The following PTP4A2 variants were observed in gnomAD, a reference collection of about 807,000 sequenced individuals.
PTP4A2 encodes the protein protein tyrosine phosphatase type IVA 2.
In PTP4A2, 2 loss-of-function variants were observed where a neutral mutation model predicts 22.9. The observed-to-expected ratio is 0.09, with a 90% CI of 0.04 to 0.27. The LOEUF is 0.27. Among genes scored for constraint, PTP4A2 ranks in the 10% least tolerant of loss-of-function variants. The probability of loss-of-function intolerance (pLI) is 1.00; values close to 1 mark genes in which losing one functional copy is unlikely to be tolerated. For synonymous variants in PTP4A2, 68 were observed against 69.1 expected (o/e 0.98, Z 0.08); for missense variants, 103 against 205.1 (o/e 0.50, Z 3.04).
In PTP4A2 at chr1:31,906,735, T is replaced by TGCAC. The variant is rs1283858869; in HGVS notation, c.*2113_*2116dup. 1.0e-4 allele frequency: 14 copies of TGCAC among 136,192 alleles called. No homozygotes were observed. Among genetic ancestry groups the TGCAC allele is most frequent in the African/African-American group, 3.7e-4 (13 of 35,202 alleles). 8.4% of individuals were successfully genotyped at this position (136,192 alleles called of 1,614,324 possible). A position where few individuals can be genotyped will look rare whatever the true frequency, so the allele number is the denominator to read the frequency against. On this transcript the variant is annotated 3_prime_UTR_variant, in exon 6 of 6. Transcript: ENST00000647444. Reference sequence around the variant, plus strand: ...CACTGATACTGATGGACACTGCGCGTGCACACACACACACACACATACACA... The same window carrying TGCAC: ...CACTGATACTGATGGACACTGCGCGTGCACGCACACACACACACACACATACACA...
intron 1 of PTP4A2, among the ~76,000 whole-genome samples, chr1:31,931,992 G>A (rs1423797893): frequency 6.6e-6 from 1 of 152,118 alleles, no homozygotes; most frequent in Non-Finnish European, 1.5e-5. Context: ...AAATACTGTG[G>A]TGATACAACC....
chr1:31,932,461 G>A (rs527479611), intron 1 of PTP4A2, among the ~76,000 whole-genome samples: 1 of 152,174 alleles, frequency 6.6e-6, no homozygotes, highest in Non-Finnish European at 1.5e-5. Flanking sequence ...ATTTAGTTTA[G>A]GCCACTTAAA....
intron 2 of PTP4A2, among the ~76,000 whole-genome samples, chr1:31,918,456 G>C (rs914372017): frequency 2.0e-5 from 3 of 152,198 alleles, no homozygotes; most frequent in African/African-American, 7.2e-5. Flanking sequence ...TAGAATATCT[G>C]AAGTACATAC....
chr1:31,936,909 G>C (rs570465143), intron 1 of PTP4A2, among the ~76,000 whole-genome samples: 1 of 152,104 alleles, frequency 6.6e-6, no homozygotes, highest in Non-Finnish European at 1.5e-5. Context: ...TGGCGACTCC[G>C]GACAGACAAA....
chr1:31,915,913 T>G lies in PTP4A2; in HGVS notation c.171A>C (p.Lys57Asn). The G allele has an allele frequency of 6.2e-7, 1 of 1,604,532 alleles. No individual in the cohort carries two copies. Among genetic ancestry groups the G allele is most frequent in the Non-Finnish European group, 8.5e-7 (1 of 1,175,072 alleles). ...CACTCACTAGAACGTGGATTCCTTC[T>G]TTTTCAACTGGAGCTTTATCATATG... ...DATYDKAPVE[K>N]EGIHVLDWPF... Residue 57 changes from lysine to asparagine, a missense_variant, in exon 3 of 6, where the codon AAA becomes AAC. Around this residue, in one of 3 missense-constraint regions of PTP4A2, gnomAD observed 66 missense variants for 113.0 expected, o/e 0.58. Coordinates refer to ENST00000647444, the MANE Select transcript of PTP4A2 (RefSeq NM_080391.4).
chr1:31,918,739 C>A (rs900426799), intron 2 of PTP4A2, among the ~76,000 whole-genome samples: 1 of 152,020 alleles, frequency 6.6e-6, no homozygotes, highest in African/African-American at 2.4e-5. Flanking sequence ...CCAAAAAAAC[C>A]TGTCAATAAA....
rs574010856 is a variant in PTP4A2 at position 31,938,332 on chromosome 1, A to C, written c.-939T>G. ...ACAGACGACGGTTACAGCCCGGCCG[A>C]TCGCGCCGCCACCACCACCGCTGCG... On this transcript the variant is annotated 5_prime_UTR_variant, in exon 1 of 6. Transcript: ENST00000647444. The surrounding 1 kb of genome is among the most constrained non-coding windows in gnomAD (Gnocchi z 4.4). 1 of 148,594 alleles carries C rather than the reference A, an allele frequency of 6.7e-6. No homozygotes were observed. The highest frequency in any genetic ancestry group is 1.8e-4 in the South Asian group (1 of 5,540). The allele number at this position is 148,594 out of a possible 1,614,324, so 9.2% of individuals were successfully genotyped here.
intron 1 of PTP4A2, chr1:31,921,894 C>T (rs994338189): frequency 2.0e-5 from 3 of 152,028 alleles, no homozygotes; most frequent in Non-Finnish European, 2.9e-5. Context: ...TAACCACTGA[C>T]ACAAACATAA....
intron 1 of PTP4A2, among the ~76,000 whole-genome samples, chr1:31,922,233 C>T (rs1304105127): frequency 6.6e-6 from 1 of 152,242 alleles, no homozygotes; most frequent in Non-Finnish European, 1.5e-5. Context: ...GCCTGTATCT[C>T]AGCACTTTGG....
At chr1:31,922,586 G>GTTTCTTTC (rs200368265) in intron 1 of PTP4A2, among the ~76,000 whole-genome samples, 2,183 of 146,070 alleles carry the variant, frequency 0.015, 34 homozygotes, top group Admixed American at 0.047. Flanking sequence ...ACCCAGGTTT[G>GTTTCTTTC]TTTCTTTCTT....
chr1:31,927,356 G>A (rs1569635244), intron 1 of PTP4A2, among the ~76,000 whole-genome samples: 2 of 152,170 alleles, frequency 1.3e-5, no homozygotes, highest in Admixed American at 6.5e-5. Context: ...CCACTTGAGG[G>A]TGGAGGGTGA....
chr1:31,937,368 T>A (rs1652980916), intron 1 of PTP4A2, among the ~76,000 whole-genome samples: 1 of 151,926 alleles, frequency 6.6e-6, no homozygotes, highest in Non-Finnish European at 1.5e-5. Flanking sequence ...ACGGACAAGA[T>A]GCTCCCGGAA....
At chr1:31,927,831 C>T (rs1282050467) in intron 1 of PTP4A2, among the ~76,000 whole-genome samples, 1 of 152,160 alleles carries the variant, frequency 6.6e-6, no homozygotes, top group Non-Finnish European at 1.5e-5. Flanking sequence ...GTAAAATCTT[C>T]TCAACCATCA....
At chr1:31,920,726 C>T (rs375780058) in intron 1 of PTP4A2, among the ~76,000 whole-genome samples, 2 of 151,644 alleles carry the variant, frequency 1.3e-5, no homozygotes, top group Non-Finnish European at 2.9e-5. Context: ...TTGGTAGAGA[C>T]GGGGCTTCAC....
intron 2 of PTP4A2, among the ~76,000 whole-genome samples, chr1:31,917,852 T>G (rs1425046255): frequency 6.6e-6 from 1 of 150,398 alleles, no homozygotes; most frequent in Non-Finnish European, 1.5e-5. Context: ...CGCGCGCCTG[T>G]AGTCCCAGCT....
chr1:31,936,495 G>A (rs192942997), intron 1 of PTP4A2, among the ~76,000 whole-genome samples: 1 of 151,904 alleles, frequency 6.6e-6, no homozygotes, highest in Admixed American at 6.6e-5. Context: ...TTTTGGCTAA[G>A]ATCAAGTGAA....
rs184917735 is a variant in PTP4A2, at chr1:31,931,283, T to C, written c.-594+6704A>G. 5.3e-5 allele frequency: 8 copies of C among 152,288 alleles called. No individual in the cohort carries two copies. The East Asian group carries it at 1.5e-3, about 29-fold the overall frequency. The allele number at this position is 152,288 out of a possible 1,614,324, so 9.4% of individuals were successfully genotyped here. A position where few individuals can be genotyped will look rare whatever the true frequency, so the allele number is the denominator to read the frequency against. On this transcript the variant is annotated intron_variant, in intron 1 of 5. Transcript: ENST00000647444. The stretch of plus-strand genomic sequence containing the variant: ...CTGAAGAAAGGTAAAACTTTTATAA[T>C]AGAAAACTGGTAGAAACAGTGAAGG...
At chr1:31,934,667 G>T (rs1364856139) in intron 1 of PTP4A2, among the ~76,000 whole-genome samples, 2 of 152,108 alleles carry the variant, frequency 1.3e-5, no homozygotes, top group Non-Finnish European at 2.9e-5. Context: ...TAATTCTAAA[G>T]AAAAATAAAT....
At chr1:31,928,205 A>G (rs966201348) in intron 1 of PTP4A2, among the ~76,000 whole-genome samples, 84 of 140,360 alleles carry the variant, frequency 6.0e-4, no homozygotes, top group Middle Eastern at 3.8e-3. Flanking sequence ...ATATTTATAT[A>G]TTATAATATA....
Sources: gnomAD v4.1 joint callset for allele counts (sites outside exome capture counted in the v4.1 genomes callset) on GRCh38, gnomAD v4.1.1 for gene constraint, gnomAD v4.1.1 regional missense constraint, Gnocchi (gnomAD v3.1) non-coding constraint, MANE v1.5 for transcripts, NCBI Gene and HGNC (gene_info 2026-07-23, HGNC 2026-07-21) for gene names.